The following GTF2B variants were observed in gnomAD, a reference collection of about 807,000 sequenced individuals.
The protein encoded by GTF2B is general transcription factor IIB.
In GTF2B, 20 loss-of-function variants were observed where a neutral mutation model predicts 34.6. The observed-to-expected ratio is 0.58, with a 90% CI of 0.41 to 0.84. The LOEUF (loss-of-function observed/expected upper bound fraction) is 0.84. Among genes scored for constraint, GTF2B ranks in the 40% least tolerant of loss-of-function variants. The pLI is 0.00. For missense variants in GTF2B, 237 were observed against 393.3 expected (o/e 0.60, Z 3.36); for synonymous variants, 142 against 132.4 (o/e 1.07, Z -0.50).
chr1:88,874,692 A>G (rs1318071631), intron 2 of GTF2B, among the ~76,000 whole-genome samples: 4 of 151,974 alleles, frequency 2.6e-5, no homozygotes, highest in Non-Finnish European at 4.4e-5. Context: ...CAGAATTTCA[A>G]TTCTTTCTGC....
At chr1:88,856,277 A>C (rs577784498) in intron 6 of GTF2B, among the ~76,000 whole-genome samples, 29 of 126,790 alleles carry the variant, frequency 2.3e-4, no homozygotes, top group South Asian at 5.1e-4. Flanking sequence ...AAAAACAAAA[A>C]AAAAAAAAAA....
chr1:88,859,834 TCAAA>T lies in GTF2B; in HGVS notation c.535+44_535+47del, dbSNP rs376654402. 3.3e-4 allele frequency: 514 copies of T among 1,570,262 alleles called. 1 individual carries two copies. Among genetic ancestry groups the T allele is most frequent in the African/African-American group, 2.8e-3 (203 of 73,774 alleles). On this transcript the variant is annotated intron_variant, in intron 5 of 6. Coordinates refer to ENST00000370500, the MANE Select transcript of GTF2B (RefSeq NM_001514.6). Reference sequence around the variant, plus strand: ...CTGGGCGACAAAGTGAGACCCTATCTCAAACAAACAAACAAACAAACACAAAAAA... The same window carrying T: ...CTGGGCGACAAAGTGAGACCCTATCTCAAACAAACAAACAAACACAAAAAA...
intron 2 of GTF2B, among the ~76,000 whole-genome samples, chr1:88,869,721 A>G (rs1296219991): frequency 6.6e-6 from 1 of 151,670 alleles, no homozygotes; most frequent in African/African-American, 2.4e-5. Context: ...TCTGCCTCTG[A>G]GGTTCAAGTA....
chr1:88,857,272 T>C lies in GTF2B; in HGVS notation c.751A>G (p.Ile251Val), dbSNP rs1172717480. ...ELDLVPGRSPISVAAAAIYMA... is the reference protein window; with the variant it reads ...ELDLVPGRSPVSVAAAAIYMA... ...TAAATAGCTGCCGCTGCCACAGAGA[T>C]GGGGCTCCTCCCAGGAACCAAGTCC... Residue 251 changes from isoleucine (I) to valine (V), a missense_variant, in exon 6 of 7, where the codon ATC (isoleucine) becomes GTC (valine). Ile to Val is a conservative substitution (Grantham distance 29, BLOSUM62 3). Coordinates refer to ENST00000370500, the MANE Select transcript of GTF2B (RefSeq NM_001514.6). 3.1e-6 allele frequency: 5 copies of C among 1,613,758 alleles called. No individual in the cohort carries two copies. The highest frequency in any genetic ancestry group is 4.2e-6 in the Non-Finnish European group (5 of 1,179,778).
Position 88,883,291 on chromosome 1 carries a change from T to C in GTF2B, c.124+3970A>G, listed in dbSNP as rs1475795343. Among the ~76,000 whole-genome samples the C allele has an allele frequency of 2.6e-5, 4 of 152,304 alleles. No individual in the cohort carries two copies. The South Asian group carries it at 8.3e-4, about 32-fold the overall frequency. On this transcript the variant is annotated intron_variant, in intron 2 of 6. Coordinates refer to ENST00000370500, the MANE Select transcript of GTF2B (RefSeq NM_001514.6). ...CAGTACTGATTCAGAAAAATCTTACTCTTGGCCCCGAGTTCAGAAAAATCA... is the reference window on the plus strand; with the variant it reads ...CAGTACTGATTCAGAAAAATCTTACCCTTGGCCCCGAGTTCAGAAAAATCA...
At position 88,868,493 on chromosome 1, in the gene GTF2B, G is replaced by A. The variant is rs187356871; in HGVS notation, c.125-4379C>T. 6.0e-5 allele frequency among the ~76,000 whole-genome samples: 9 copies of A among 150,110 alleles called. No individual in the cohort carries two copies. The East Asian group carries it at 1.7e-3, about 29-fold the overall frequency. ...AAAAGAGTAAACGCACCCAATATGTGTATTTATGTATTTCACACATTAGCT... is the reference window on the plus strand; with the variant it reads ...AAAAGAGTAAACGCACCCAATATGTATATTTATGTATTTCACACATTAGCT... On this transcript the variant is annotated intron_variant, in intron 2 of 6. Transcript: ENST00000370500.
intron 6 of GTF2B, among the ~76,000 whole-genome samples, chr1:88,856,278 A>AAAC (rs1557652079): frequency 7.6e-6 from 1 of 131,526 alleles, no homozygotes; most frequent in Non-Finnish European, 1.6e-5. Flanking sequence ...AAAACAAAAA[A>AAAC]AAAAAAAAAA....
At chr1:88,882,759 G>T (rs976773281) in intron 2 of GTF2B, among the ~76,000 whole-genome samples, 28 of 152,276 alleles carry the variant, frequency 1.8e-4, no homozygotes, top group African/African-American at 5.5e-4. Flanking sequence ...ATCCACAAGT[G>T]TATGATTTTA....
At chr1:88,869,641 C>T (rs1436072148) in intron 2 of GTF2B, among the ~76,000 whole-genome samples, 2 of 151,292 alleles carry the variant, frequency 1.3e-5, no homozygotes, top group Non-Finnish European at 3.0e-5. Flanking sequence ...CTTTTTTTTT[C>T]CCCCGAGACG....
chr1:88,876,211 A>C (rs1429360320), intron 2 of GTF2B, among the ~76,000 whole-genome samples: 1 of 152,260 alleles, frequency 6.6e-6, no homozygotes, highest in Non-Finnish European at 1.5e-5. Flanking sequence ...TTTAGGAAAC[A>C]CTGTTAATGC....
At chr1:88,858,145 G>A (rs1478846107) in intron 5 of GTF2B, among the ~76,000 whole-genome samples, 1 of 151,324 alleles carries the variant, frequency 6.6e-6, no homozygotes, top group Non-Finnish European at 1.5e-5. Flanking sequence ...GATTACAGGC[G>A]CCTGCCACCA....
At chr1:88,874,862 C>T (rs929427814) in intron 2 of GTF2B, among the ~76,000 whole-genome samples, 1 of 151,612 alleles carries the variant, frequency 6.6e-6, no homozygotes, top group African/African-American at 2.4e-5. Context: ...TCTAAAAGTT[C>T]AAGAATCTGA....
At chr1:88,889,725 ATAT>A (rs1489746493) in intron 1 of GTF2B, among the ~76,000 whole-genome samples, 3 of 152,202 alleles carry the variant, frequency 2.0e-5, no homozygotes, top group African/African-American at 7.2e-5. Flanking sequence ...AAAGGTAGAA[ATAT>A]TATATTTAGG....
intron 2 of GTF2B, among the ~76,000 whole-genome samples, chr1:88,867,380 C>T (rs1261172247): frequency 6.6e-6 from 1 of 152,118 alleles, no homozygotes; most frequent in East Asian, 1.9e-4. Flanking sequence ...AGAATTTAGT[C>T]CCTTTAATAG....
intron 2 of GTF2B, among the ~76,000 whole-genome samples, chr1:88,874,042 A>C (rs889190284): frequency 1.3e-5 from 2 of 152,154 alleles, no homozygotes; most frequent in African/African-American, 4.8e-5. Flanking sequence ...AAATCAGGGT[A>C]CTCTGCCTCA....
chr1:88,865,877 A>AC (rs1553162637), intron 2 of GTF2B, among the ~76,000 whole-genome samples: 45 of 150,364 alleles, frequency 3.0e-4, no homozygotes, highest in African/African-American at 1.0e-3. Context: ...AACAAACAAA[A>AC]ATTAATCTCC....
intron 2 of GTF2B, 24 bp from the exon 3 acceptor site, chr1:88,864,138 A>C: frequency 2.5e-6 from 4 of 1,612,316 alleles, no homozygotes; most frequent in Non-Finnish European, 3.4e-6. Context: ...CACATATCTG[A>C]ATCATTTTGT....
At chr1:88,866,276 C>A (rs1243633599) in intron 2 of GTF2B, among the ~76,000 whole-genome samples, 4 of 152,114 alleles carry the variant, frequency 2.6e-5, no homozygotes, top group Non-Finnish European at 5.9e-5. Flanking sequence ...ATCACCTGAG[C>A]CCAGGAGGTT....
At chr1:88,883,820 G>A (rs529567788) in intron 2 of GTF2B, among the ~76,000 whole-genome samples, 48 of 152,186 alleles carry the variant, frequency 3.2e-4, no homozygotes, top group African/African-American at 1.1e-3. Flanking sequence ...AACACCTTAC[G>A]TTTTCAATCT....
Sources: gnomAD v4.1 joint callset for allele counts (sites outside exome capture counted in the v4.1 genomes callset) on GRCh38, gnomAD v4.1.1 for gene constraint, MANE v1.5 for transcripts, NCBI Gene and HGNC (gene_info 2026-07-23, HGNC 2026-07-21) for gene names.